Variants in FAM131B observed in about 807,000 individuals in gnomAD.
FAM131B encodes family with sequence similarity 131 member B.
FAM131B carries 19 observed loss-of-function variants against 42.0 expected under a neutral mutation model. That is an observed-to-expected ratio of 0.45 (90% CI 0.32 to 0.66). The LOEUF is 0.66. FAM131B is among the 30% of genes least tolerant of loss of function. FAM131B has a pLI of 0.05. For synonymous variants in FAM131B, 183 were observed against 177.6 expected, an observed-to-expected ratio of 1.03 and a Z score of -0.24; for missense variants, 370 against 468.4, an observed-to-expected ratio of 0.79 and a Z score of 1.94.
chr7:143,381,064 C>G, the FAM131B span: 1 of 378,146 alleles, frequency 2.6e-6, no homozygotes, highest in Non-Finnish European at 3.6e-6. Flanking sequence ...GAGGCCTGTG[C>G]TCAGGGAGTG....
rs985203238 is a variant in FAM131B, at chr7:143,356,478, G to A, written c.*72C>T. On this transcript the variant is annotated 3_prime_UTR_variant, in exon 7 of 7. Transcript: ENST00000443739. The surrounding 1 kb of genome is among the most constrained non-coding windows in gnomAD (Gnocchi z 4.4). ...CTGCCCAGTTTCAGCTGTACTGCTG[G>A]GGGGAGGGAGGGTATGGGTCACAGC... 7.0e-6 allele frequency: 8 copies of A among 1,137,758 alleles called. No homozygotes were observed. In the East Asian group the frequency reaches 1.6e-4, roughly 23 times the overall value. The allele number at this position is 1,137,758 out of a possible 1,614,324, so 70.5% of individuals were successfully genotyped here.
At chr7:143,381,439 C>G in the FAM131B span, 1 of 1,282,666 alleles carries the variant, frequency 7.8e-7, no homozygotes, top group African/African-American at 1.6e-5. Context: ...AGGGCGGCCC[C>G]ACGGGGAGGG....
At chr7:143,360,395 G>A in intron 1 of FAM131B, 1 of 1,363,324 alleles carries the variant, frequency 7.3e-7, no homozygotes, top group Non-Finnish European at 9.5e-7. Context: ...TTTATGTGGA[G>A]GGGTCAGAGG....
At chr7:143,382,080 T>C in the FAM131B span, 1 of 640,510 alleles carries the variant, frequency 1.6e-6, no homozygotes. Context: ...GCGCCCGGCC[T>C]TTCCTGACCT....
the FAM131B span, chr7:143,380,821 A>G: frequency 4.2e-5 from 41 of 976,772 alleles, no homozygotes; most frequent in Middle Eastern, 2.1e-3. This position sits in a 1 kb window ranked among gnomAD's most constrained non-coding sequence, Gnocchi z 5.0. Context: ...ACGTTCGGCC[A>G]CCCCAGGCGG....
chr7:143,356,853 C>A lies in FAM131B; in HGVS notation c.780G>T (p.Leu260Phe), dbSNP rs768308216. ...CTGGTTGGGAAGGTCCCATTTCATG[C>A]AAGCTGGGTTGTGAGTCATCAAATG... ...GPAFDDSQPS[L>F]HEMGPSQPAS... is the part of the protein sequence containing the mutation. The change falls in exon 7 of 7, where the codon TTG becomes TTT. Residue 260 changes from leucine (L) to phenylalanine (F), a missense_variant. Physicochemically the swap from Leu to Phe is conservative, Grantham distance 22. Transcript: ENST00000443739. This position sits in a 1 kb window ranked among gnomAD's most constrained non-coding sequence, Gnocchi z 4.4. 2 of 1,614,044 alleles carry A rather than the reference C, an allele frequency of 1.2e-6. No homozygotes were observed. The highest frequency in any genetic ancestry group is 2.7e-5 in the African/African-American group (2 of 74,926).
the FAM131B span, among the ~76,000 whole-genome samples, chr7:143,371,920 C>A: frequency 1.3e-5 from 2 of 152,080 alleles, no homozygotes; most frequent in Non-Finnish European, 2.9e-5. Flanking sequence ...GGCCAGAGAG[C>A]ATGTGGGATT....
upstream of FAM131B, among the ~76,000 whole-genome samples, chr7:143,366,754 C>T (rs895530342): frequency 1.3e-5 from 2 of 152,112 alleles, no homozygotes; most frequent in Admixed American, 1.3e-4. Flanking sequence ...GATGGGGTTT[C>T]ACCATGTTGA....
rs759638349 is a variant in FAM131B, at chr7:143,358,863, G to T, written c.430C>A (p.Leu144Ile). 1.2e-6 allele frequency: 2 copies of T among 1,614,146 alleles called. No individual in the cohort carries two copies. The highest frequency in any genetic ancestry group is 2.2e-5 in the East Asian group (1 of 44,878). ...VRRDTDAYSD[L>I]SDGEKEARFL... ...CGTGCCTCCTTCTCGCCATCGCTGAGGTCGGAGTAGGCATCCGTATCCCTG... is the reference window on the plus strand; with the variant it reads ...CGTGCCTCCTTCTCGCCATCGCTGATGTCGGAGTAGGCATCCGTATCCCTG... The change falls in exon 5 of 7, where the codon CTC becomes ATC. Residue 144 changes from leucine to isoleucine, a missense_variant. Coordinates refer to ENST00000443739, the MANE Select transcript of FAM131B (RefSeq NM_001031690.3). The surrounding 1 kb of genome is among the most constrained non-coding windows in gnomAD (Gnocchi z 4.7).
chr7:143,381,587 C>G, the FAM131B span: 2 of 1,610,788 alleles, frequency 1.2e-6, no homozygotes, highest in Non-Finnish European at 1.7e-6. Flanking sequence ...GGCCCCCCGC[C>G]CGTCTCCCGC....
At chr7:143,368,296 G>C in the FAM131B span, among the ~76,000 whole-genome samples, 1 of 152,226 alleles carries the variant, frequency 6.6e-6, no homozygotes, top group African/African-American at 2.4e-5. Context: ...GATTTTTAAA[G>C]GTCAAGCCAA....
the FAM131B span, among the ~76,000 whole-genome samples, chr7:143,371,045 G>A: frequency 6.6e-5 from 10 of 151,990 alleles, no homozygotes; most frequent in South Asian, 2.1e-4. Flanking sequence ...TTGACTTTCC[G>A]GCTGCTCCTT....
At chr7:143,378,022 A>G in the FAM131B span, among the ~76,000 whole-genome samples, 2 of 152,166 alleles carry the variant, frequency 1.3e-5, no homozygotes, top group African/African-American at 4.8e-5. Context: ...GGCCAGGGCT[A>G]ATATATTTAA....
At position 143,356,768 on chromosome 7, in the gene FAM131B, G is replaced by C. The variant is rs2116436928; in HGVS notation, c.865C>G (p.Pro289Ala). Residue 289 changes from proline (P) to alanine (A), a missense_variant, in exon 7 of 7, where the codon CCG becomes GCG. By Grantham distance (27) the Pro-to-Ala change is conservative. Coordinates refer to ENST00000443739, the MANE Select transcript of FAM131B (RefSeq NM_001031690.3). The surrounding 1 kb of genome is among the most constrained non-coding windows in gnomAD (Gnocchi z 4.4). ...PLLGGDTDWA[P>A]GVGAVDLARG... The stretch of plus-strand genomic sequence containing the variant: ...GCCAGGTCCACTGCGCCTACCCCCG[G>C]AGCCCAGTCAGTGTCTCCCCCCAGC... 1.9e-6 allele frequency: 3 copies of C among 1,614,050 alleles called. No individual in the cohort carries two copies. The highest frequency in any genetic ancestry group is 1.7e-6 in the Non-Finnish European group (2 of 1,180,018).
upstream of FAM131B, among the ~76,000 whole-genome samples, chr7:143,363,716 A>C (rs1563098700): frequency 6.6e-6 from 1 of 152,218 alleles, no homozygotes; most frequent in South Asian, 2.1e-4. Flanking sequence ...CAGAAAGCCC[A>C]AAGTGTGAGA....
chr7:143,382,122 T>C, the FAM131B span: 1 of 834,470 alleles, frequency 1.2e-6, no homozygotes, highest in South Asian at 1.8e-5. Flanking sequence ...GCCCCTCCTT[T>C]GCTTCCCCAC....
rs1311507155 is a variant in FAM131B at position 143,354,428 on chromosome 7, G to C, written c.*2122C>G. On this transcript the variant is annotated 3_prime_UTR_variant, in exon 7 of 7. Transcript: ENST00000443739. ...ACCGTGGTCTGGGGGTATGATATGG[G>C]CACTGAGAGGATGAGACGACAGGAA... The C allele has an allele frequency of 2.6e-5, 4 of 152,294 alleles. No individual in the cohort carries two copies. Among genetic ancestry groups the C allele is most frequent in the Admixed American group, 2.6e-4 (4 of 15,264 alleles). The allele number at this position is 152,294 out of a possible 1,614,324, so 9.4% of individuals were successfully genotyped here.
upstream of FAM131B, among the ~76,000 whole-genome samples, chr7:143,365,625 A>G (rs925065768): frequency 3.8e-4 from 58 of 152,080 alleles, no homozygotes; most frequent in Non-Finnish European, 1.0e-4. Context: ...TGTTTTTGAG[A>G]CAGGGTCTCA....
At chr7:143,379,229 C>T in the FAM131B span, among the ~76,000 whole-genome samples, 1 of 152,196 alleles carries the variant, frequency 6.6e-6, no homozygotes, top group African/African-American at 2.4e-5. Context: ...CCCAAAGGGG[C>T]CATATTTTGA....
Sources: allele counts gnomAD v4.1 joint callset (sites outside exome capture counted in the v4.1 genomes callset), GRCh38; gene constraint gnomAD v4.1.1; non-coding constraint Gnocchi (gnomAD v3.1); transcripts MANE v1.5; gene names NCBI Gene and HGNC (gene_info 2026-07-23, HGNC 2026-07-21).